The following TIAM1 variants were observed in gnomAD, a reference collection of about 807,000 sequenced individuals.
TIAM1 encodes the protein rho guanine nucleotide exchange factor TIAM1.
In TIAM1, 65 loss-of-function variants were observed where a neutral mutation model predicts 163.5. The observed-to-expected ratio is 0.40, with a 90% confidence interval of 0.33 to 0.49. TIAM1 has a LOEUF of 0.49. Among genes scored for constraint, TIAM1 ranks in the 20% least tolerant of loss-of-function variants. TIAM1 has a pLI of 0.77. For missense variants in TIAM1, 1,789 were observed against 2,044.7 expected (o/e 0.87, Z 2.41); for synonymous variants, 833 against 810.1 (o/e 1.03, Z -0.48).
At chr21:31,315,882 C>T (rs907468638) in intron 2 of TIAM1, among the ~76,000 whole-genome samples, 23 of 151,968 alleles carry the variant, frequency 1.5e-4, no homozygotes, top group Admixed American at 6.6e-4. Context: ...GAGGCTGAGG[C>T]AGGAGAATCA....
chr21:31,296,881 T>C (rs138083116), intron 2 of TIAM1, among the ~76,000 whole-genome samples: 19 of 152,280 alleles, frequency 1.2e-4, no homozygotes, highest in African/African-American at 3.1e-4. Context: ...GCCAGGATGG[T>C]CTTGATTTCC....
intron 2 of TIAM1, among the ~76,000 whole-genome samples, chr21:31,415,169 G>A (rs544049750): frequency 1.2e-4 from 19 of 152,276 alleles, no homozygotes; most frequent in African/African-American, 2.9e-4. Flanking sequence ...GCCCCAAAGC[G>A]TAAGAGAAAA....
chr21:31,535,492 A>T (rs1334883095), intron 1 of TIAM1, among the ~76,000 whole-genome samples: 2 of 151,654 alleles, frequency 1.3e-5, no homozygotes, highest in Non-Finnish European at 2.9e-5. Flanking sequence ...CTGATTCCTT[A>T]AATTAATTGA....
At chr21:31,140,723 T>C (rs975651406) in intron 22 of TIAM1, among the ~76,000 whole-genome samples, 4 of 152,248 alleles carry the variant, frequency 2.6e-5, no homozygotes, top group Non-Finnish European at 4.4e-5. Flanking sequence ...GAAATTTTCA[T>C]TCCTTTGACA....
intron 2 of TIAM1, among the ~76,000 whole-genome samples, chr21:31,351,055 G>C (rs1226294704): frequency 1.3e-5 from 2 of 152,152 alleles, no homozygotes; most frequent in Non-Finnish European, 2.9e-5. Flanking sequence ...TTTCACTCTA[G>C]GAATACTTGC....
At chr21:31,522,202 A>G (rs571952009) in intron 1 of TIAM1, among the ~76,000 whole-genome samples, 1 of 151,566 alleles carries the variant, frequency 6.6e-6, no homozygotes, top group South Asian at 2.1e-4. Flanking sequence ...ATTCTTAATA[A>G]TTTTTAATTA....
intron 2 of TIAM1, among the ~76,000 whole-genome samples, chr21:31,382,378 C>T (rs550844970): frequency 6.6e-6 from 1 of 152,308 alleles, no homozygotes; most frequent in South Asian, 2.1e-4. Context: ...AAAAAGCAGA[C>T]AGATTAATTG....
chr21:31,480,692 A>G (rs1274958518), intron 1 of TIAM1, among the ~76,000 whole-genome samples: 2 of 152,248 alleles, frequency 1.3e-5, no homozygotes, highest in African/African-American at 4.8e-5. Context: ...CTGGGCTGCC[A>G]TAACAAAATA....
chr21:31,543,319 C>G (rs1253695378), intron 1 of TIAM1, among the ~76,000 whole-genome samples: 2 of 152,248 alleles, frequency 1.3e-5, no homozygotes, highest in Non-Finnish European at 2.9e-5. Flanking sequence ...GCGCTCTTGG[C>G]AATGACCTGC....
chr21:31,347,461 G>A (rs115783987), upstream of TIAM1, among the ~76,000 whole-genome samples: 741 of 152,276 alleles, frequency 4.9e-3, 7 homozygotes, highest in African/African-American at 0.017. Flanking sequence ...TCCCTCTAAA[G>A]GTACCAGTTT....
chr21:31,398,065 C>A (rs2077102545), intron 2 of TIAM1, among the ~76,000 whole-genome samples: 1 of 149,640 alleles, frequency 6.7e-6, no homozygotes, highest in Non-Finnish European at 1.5e-5. Flanking sequence ...CTCCCCCCTA[C>A]AACCTCCCCC....
intron 1 of TIAM1, among the ~76,000 whole-genome samples, chr21:31,534,762 C>T (rs2048074528): frequency 6.6e-6 from 1 of 152,116 alleles, no homozygotes; most frequent in Admixed American, 6.6e-5. Flanking sequence ...TTGACTGCCC[C>T]CAAAATCCTA....
chr21:31,540,445 A>C (rs1343375850), intron 1 of TIAM1, among the ~76,000 whole-genome samples: 2 of 151,670 alleles, frequency 1.3e-5, no homozygotes, highest in African/African-American at 4.8e-5. Flanking sequence ...CCACTTATAA[A>C]AGTATTCAAG....
intron 2 of TIAM1, among the ~76,000 whole-genome samples, chr21:31,352,067 CA>C (rs59844425): frequency 0.016 from 1,988 of 126,214 alleles, 18 homozygotes; most frequent in South Asian, 0.036. Flanking sequence ...GAGTCTGTCT[CA>C]AAAAAAAAAA....
chr21:31,343,017 A>G (rs897666079), intron 1 of TIAM1, among the ~76,000 whole-genome samples: 9 of 152,320 alleles, frequency 5.9e-5, no homozygotes, highest in East Asian at 3.9e-4. Flanking sequence ...TACCCACCCC[A>G]GACCTGGGAA....
chr21:31,394,716 TCTCTCTCTCTCTCACACA>T, intron 2 of TIAM1, among the ~76,000 whole-genome samples: 2 of 120,286 alleles, frequency 1.7e-5, no homozygotes, highest in Non-Finnish European at 3.4e-5. Flanking sequence ...TCGCTCTCTC[TCTCTCTCTCTCTCACACA>T]CACACACACA....
At chr21:31,424,619 G>A (rs1364282878) in intron 2 of TIAM1, among the ~76,000 whole-genome samples, 5 of 152,216 alleles carry the variant, frequency 3.3e-5, no homozygotes, top group African/African-American at 9.6e-5. Context: ...GAAAATGGTG[G>A]TTGCCAGGGG....
intron 2 of TIAM1, among the ~76,000 whole-genome samples, chr21:31,330,587 C>T (rs956200376): frequency 2.6e-5 from 4 of 152,038 alleles, no homozygotes; most frequent in Non-Finnish European, 4.4e-5. Context: ...TACAGGCATG[C>T]GCCACCACGC....
At chr21:31,433,345 A>T (rs1166678114) in intron 2 of TIAM1, among the ~76,000 whole-genome samples, 1 of 152,232 alleles carries the variant, frequency 6.6e-6, no homozygotes, top group Non-Finnish European at 1.5e-5. Context: ...AATGTGCCTT[A>T]AACCCAAATT....
Sources: allele counts gnomAD v4.1 joint callset (sites outside exome capture counted in the v4.1 genomes callset), GRCh38; gene constraint gnomAD v4.1.1; transcripts MANE v1.5; gene names NCBI Gene and HGNC (gene_info 2026-07-23, HGNC 2026-07-21).